The following ATRNL1 variants were observed in gnomAD, a reference collection of about 807,000 sequenced individuals.
ATRNL1 encodes the protein attractin like 1.
ATRNL1 carries 95 observed loss-of-function variants against 182.7 expected under a neutral mutation model. The observed-to-expected ratio is 0.52, with a 90% CI of 0.44 to 0.62. ATRNL1 has a LOEUF of 0.62. Ranked by LOEUF, ATRNL1 falls within the 20% of genes least tolerant of loss-of-function variation. The pLI, the probability that ATRNL1 is intolerant of heterozygous loss-of-function variation, is 0.00. For missense variants in ATRNL1, 1,471 were observed against 1,679.5 expected (o/e 0.88, Z 2.17); for synonymous variants, 576 against 568.3 (o/e 1.01, Z -0.19).
At position 115,187,670 on chromosome 10, in the gene ATRNL1, G is replaced by GTTTTTTTT. The variant is rs557762991; in HGVS notation, c.1348+16391_1348+16398dup. On this transcript the variant is annotated intron_variant, in intron 8 of 28. Coordinates refer to ENST00000355044, the MANE Select transcript of ATRNL1 (RefSeq NM_207303.4). ...ATGTATAATAGAAAGAGGGTGCTTG[G>GTTTTTTTT]TTTTTTTTTTTTTTTTTTTTCTTTT... Among the ~76,000 whole-genome samples, 612 of 111,862 alleles carry GTTTTTTTT rather than the reference G, an allele frequency of 5.5e-3. 3 individuals are homozygous for GTTTTTTTT. Among genetic ancestry groups the GTTTTTTTT allele is most frequent in the African/African-American group, 8.3e-3 (231 of 27,832 alleles). 73.4% of individuals were successfully genotyped at this position (111,862 alleles called of 152,430 possible).
chr10:115,853,217 A>G (rs1271781620), intron 28 of ATRNL1, among the ~76,000 whole-genome samples: 1 of 152,214 alleles, frequency 6.6e-6, no homozygotes, highest in Non-Finnish European at 1.5e-5. Flanking sequence ...TCAGTTGCTC[A>G]GAGCCATTGG....
At position 115,503,942 on chromosome 10, in the gene ATRNL1, C is replaced by T. The variant is rs1849975204; in HGVS notation, c.3655-15321C>T. On this transcript the variant is annotated intron_variant, in intron 24 of 28. Coordinates refer to ENST00000355044, the MANE Select transcript of ATRNL1 (RefSeq NM_207303.4). ...CTTATTTCCTGGTTCCTTTTACCTT[C>T]TTGTAATATAACCTTTAAATTAGCT... Among the ~76,000 whole-genome samples, 3 of 151,624 alleles carry T rather than the reference C, an allele frequency of 2.0e-5. No homozygotes were observed. In the South Asian group the frequency reaches 6.2e-4, roughly 31 times the overall value.
chr10:115,521,311 C>A (rs1346175014), intron 25 of ATRNL1, among the ~76,000 whole-genome samples: 1 of 152,078 alleles, frequency 6.6e-6, no homozygotes, highest in Non-Finnish European at 1.5e-5. Context: ...TGCCACCACG[C>A]CCAGCTAATT....
chr10:115,675,296 A>C (rs1283681084), intron 26 of ATRNL1, among the ~76,000 whole-genome samples: 1 of 152,098 alleles, frequency 6.6e-6, no homozygotes, highest in Admixed American at 6.6e-5. Context: ...CAGGAGTTTA[A>C]GGTTTCAGTG....
intron 15 of ATRNL1, among the ~76,000 whole-genome samples, chr10:115,287,886 G>A (rs1214476060): frequency 7.0e-6 from 1 of 142,904 alleles, no homozygotes; most frequent in African/African-American, 2.6e-5. Context: ...CCAGCCTCTA[G>A]TACCTCTCCT....
intron 17 of ATRNL1, among the ~76,000 whole-genome samples, chr10:115,304,891 C>G (rs529598526): frequency 3.7e-4 from 57 of 152,222 alleles, no homozygotes; most frequent in Non-Finnish European, 6.9e-4. Context: ...CGGCTTGGCT[C>G]TAAGAGCTGG....
At chr10:115,375,718 C>T (rs963434824) in intron 19 of ATRNL1, among the ~76,000 whole-genome samples, 35 of 152,036 alleles carry the variant, frequency 2.3e-4, no homozygotes, top group African/African-American at 8.0e-4. Flanking sequence ...TAATCACCTA[C>T]AAAAACTATG....
chr10:115,399,681 A>G (rs906993505), intron 20 of ATRNL1, among the ~76,000 whole-genome samples: 1 of 151,430 alleles, frequency 6.6e-6, no homozygotes, highest in Non-Finnish European at 1.5e-5. Context: ...CATTTCATCT[A>G]TGATTTTGTT....
chr10:115,249,443 T>A (rs959097454), intron 10 of ATRNL1, among the ~76,000 whole-genome samples: 1 of 152,192 alleles, frequency 6.6e-6, no homozygotes, highest in Non-Finnish European at 1.5e-5. Context: ...TTGCATTTTT[T>A]AATGTATAAT....
At chr10:115,426,409 T>C (rs1845894358) in intron 21 of ATRNL1, 107 bp downstream of exon 21, 1 of 735,858 alleles carries the variant, frequency 1.4e-6, no homozygotes, top group East Asian at 2.7e-5. Flanking sequence ...TCTTGCAATT[T>C]CTATTTCTTA....
chr10:115,763,800 G>A (rs782708912), intron 27 of ATRNL1, among the ~76,000 whole-genome samples: 47 of 152,076 alleles, frequency 3.1e-4, no homozygotes, highest in Non-Finnish European at 7.4e-5. Flanking sequence ...ATTTAAAAAT[G>A]TATGTATGTT....
At position 115,256,679 on chromosome 10, in the gene ATRNL1, C is replaced by G. The variant is rs528742686; in HGVS notation, c.1688-8514C>G. Among the ~76,000 whole-genome samples the G allele has an allele frequency of 7.9e-5, 12 of 152,044 alleles. No individual in the cohort carries two copies. In the East Asian group the frequency reaches 1.9e-3, roughly 24 times the overall value. On this transcript the variant is annotated intron_variant, in intron 10 of 28. Transcript: ENST00000355044. ...TTAGTTATTTCTTGCCTTCCGCTAG[C>G]TTTTTGAATGTGTTTGCTCTTGCTT...
intron 28 of ATRNL1, among the ~76,000 whole-genome samples, chr10:115,861,575 T>C (rs185151158): frequency 1.8e-4 from 27 of 152,316 alleles, no homozygotes; most frequent in African/African-American, 3.4e-4. Context: ...ATGAAAACTT[T>C]ATTGAGGTTA....
intron 28 of ATRNL1, among the ~76,000 whole-genome samples, chr10:115,929,148 CTAAA>C (rs1555120982): frequency 1.3e-5 from 2 of 151,838 alleles, no homozygotes; most frequent in Admixed American, 6.6e-5. Flanking sequence ...TTTATATTGA[CTAAA>C]TAAACAAAGT....
chr10:115,444,577 T>C (rs906112554), intron 21 of ATRNL1, among the ~76,000 whole-genome samples: 28 of 152,048 alleles, frequency 1.8e-4, no homozygotes, highest in Admixed American at 1.3e-4. Context: ...CTGTCATCTA[T>C]TCACCTTTTT....
intron 28 of ATRNL1, among the ~76,000 whole-genome samples, chr10:115,913,453 G>A (rs141690040): frequency 2.3e-3 from 352 of 152,314 alleles, no homozygotes; most frequent in African/African-American, 7.9e-3. Context: ...AAGCCAAAGT[G>A]CTTAACTACT....
intron 27 of ATRNL1, among the ~76,000 whole-genome samples, chr10:115,803,609 T>A (rs1555084950): frequency 6.6e-6 from 1 of 151,850 alleles, no homozygotes; most frequent in Non-Finnish European, 1.5e-5. Context: ...GTTTTTTTTT[T>A]AACATTTTAA....
chr10:115,701,338 C>A (rs1429803081), intron 26 of ATRNL1, among the ~76,000 whole-genome samples: 1 of 151,956 alleles, frequency 6.6e-6, no homozygotes, highest in African/African-American at 2.4e-5. Flanking sequence ...GTGCTAAACA[C>A]CTACCTCAAA....
intron 10 of ATRNL1, among the ~76,000 whole-genome samples, chr10:115,264,268 G>A (rs548335047): frequency 8.5e-4 from 129 of 151,426 alleles, no homozygotes; most frequent in Non-Finnish European, 1.6e-3. Flanking sequence ...TTTTATTATT[G>A]TTATAGATGT....
Sources: allele counts gnomAD v4.1 joint callset (sites outside exome capture counted in the v4.1 genomes callset), GRCh38; gene constraint gnomAD v4.1.1; transcripts MANE v1.5; gene names NCBI Gene and HGNC (gene_info 2026-07-23, HGNC 2026-07-21).